ZYG11B: variants seen among roughly 807,000 people sequenced by gnomAD.
ZYG11B encodes zyg-11 family member B, cell cycle regulator.
In ZYG11B, 36 loss-of-function variants were observed where a neutral mutation model predicts 82.4. That is an observed-to-expected ratio of 0.44 (90% confidence interval 0.33 to 0.58). ZYG11B has a LOEUF of 0.58. ZYG11B is among the 20% of genes least tolerant of loss of function. The probability of loss-of-function intolerance (pLI) is 0.02; values close to 1 mark genes in which losing one functional copy is unlikely to be tolerated. For synonymous variants in ZYG11B, 303 were observed against 312.8 expected (o/e 0.97, Z 0.33); for missense variants, 552 against 895.6 (o/e 0.62, Z 4.90).
intron 2 of ZYG11B, among the ~76,000 whole-genome samples, chr1:52,762,978 G>C (rs116724309): frequency 0.019 from 2,157 of 114,418 alleles, 36 homozygotes; most frequent in Non-Finnish European, 0.026. Context: ...TGAGAGATTG[G>C]GGGGGGGGGG....
chr1:52,727,197 C>T (rs1230079200), intron 1 of ZYG11B, among the ~76,000 whole-genome samples: 2 of 152,020 alleles, frequency 1.3e-5, no homozygotes, highest in East Asian at 3.9e-4. Flanking sequence ...CGGATGTCCT[C>T]GCTCGGTTCG....
Position 52,821,840 on chromosome 1 carries a change from A to G in ZYG11B, c.*211A>G, listed in dbSNP as rs1191450942. The G allele has an allele frequency of 7.3e-6, 3 of 409,304 alleles. No homozygotes were observed. Among genetic ancestry groups the G allele is most frequent in the Admixed American group, 8.4e-5 (2 of 23,936 alleles). 25.4% of individuals were successfully genotyped at this position (409,304 alleles called of 1,614,324 possible). A position where few individuals can be genotyped will look rare whatever the true frequency, so the allele number is the denominator to read the frequency against. On this transcript the variant is annotated 3_prime_UTR_variant, in exon 14 of 14. Transcript: ENST00000294353. Reference sequence around the variant, plus strand: ...TGAGTCAAGAAGGGTCTCTTCCTTTATCATTGCCTTTTAGGAAATTTTCCA... The same window carrying G: ...TGAGTCAAGAAGGGTCTCTTCCTTTGTCATTGCCTTTTAGGAAATTTTCCA...
In ZYG11B at chr1:52,726,692, G is replaced by A; in HGVS notation, c.30+9G>A. The A allele has an allele frequency of 6.8e-7, 1 of 1,477,440 alleles. No individual in the cohort carries two copies. The highest frequency in any genetic ancestry group is 8.9e-7 in the Non-Finnish European group (1 of 1,120,390). The allele number at this position is 1,477,440 out of a possible 1,614,324, so 91.5% of individuals were successfully genotyped here. ...AGGCCGGCGCAGCCATGGTGAGGGAGCAAGGCCTGCCCTAGCCGCAGCCGC... is the reference window on the plus strand; with the variant it reads ...AGGCCGGCGCAGCCATGGTGAGGGAACAAGGCCTGCCCTAGCCGCAGCCGC... On this transcript the variant is annotated intron_variant, in intron 1 of 13. Transcript: ENST00000294353.
chr1:52,818,931 C>T (rs550805106), intron 13 of ZYG11B, among the ~76,000 whole-genome samples: 1 of 151,998 alleles, frequency 6.6e-6, no homozygotes, highest in Non-Finnish European at 1.5e-5. Flanking sequence ...GTAACTGGGA[C>T]TACAGGAACA....
chr1:52,803,103 TATATATATATATATACACAC>T lies in ZYG11B; in HGVS notation c.1695+976_1695+995del, dbSNP rs1645094552. On this transcript the variant is annotated intron_variant, in intron 10 of 13. Transcript: ENST00000294353. ...ATATATACACATATATATATACATATATATATATATATATACACACATATATATATACACACATATATATA... is the reference window on the plus strand; with the variant it reads ...ATATATACACATATATATATACATATATATATATATACACACATATATATA... Among the ~76,000 whole-genome samples, 6 of 79,698 alleles carry T rather than the reference TATATATATATATATACACAC, an allele frequency of 7.5e-5. 1 individual carries two copies. The highest frequency in any genetic ancestry group is 2.3e-3 in the East Asian group (2 of 864). 52.3% of individuals were successfully genotyped at this position (79,698 alleles called of 152,430 possible).
At chr1:52,746,879 T>G (rs1000752502) in intron 1 of ZYG11B, among the ~76,000 whole-genome samples, 15 of 150,124 alleles carry the variant, frequency 1.0e-4, no homozygotes, top group African/African-American at 3.2e-4. Flanking sequence ...TTTTGGAGTT[T>G]TTTTTTTTTT....
At chr1:52,772,712 C>T (rs1233789712) in intron 3 of ZYG11B, 3 of 683,974 alleles carry the variant, frequency 4.4e-6, no homozygotes, top group Non-Finnish European at 7.9e-6. Context: ...GAGTCTTGCT[C>T]TGTCGCCCAG....
Position 52,726,659 on chromosome 1 carries a change from C to T in ZYG11B, c.6C>T (p.Pro2=). The part of the protein sequence containing the change: M[P]EDQAGAAMEE... ...GCACCCAGGACGGAGGCTGCATGCC[C>T]GAGGACCAGGCCGGCGCAGCCATGG... Residue 2 remains proline, a synonymous_variant, in exon 1 of 14, where the codon CCC becomes CCT. Coordinates refer to ENST00000294353, the MANE Select transcript of ZYG11B (RefSeq NM_024646.3). 5 of 1,478,382 alleles carry T rather than the reference C, an allele frequency of 3.4e-6. No homozygotes were observed. Among genetic ancestry groups the T allele is most frequent in the Middle Eastern group, 4.7e-4 (2 of 4,240 alleles). The allele number at this position is 1,478,382 out of a possible 1,614,324, so 91.6% of individuals were successfully genotyped here.
At chr1:52,772,245 G>T in intron 3 of ZYG11B, 1 of 1,340,014 alleles carries the variant, frequency 7.5e-7, no homozygotes. Flanking sequence ...AACTGGGAGG[G>T]AGGACTCGCT....
chr1:52,742,365 T>C (rs140355160), intron 1 of ZYG11B, among the ~76,000 whole-genome samples: 198 of 152,036 alleles, frequency 1.3e-3, no homozygotes, highest in Non-Finnish European at 2.4e-3. Context: ...GGTGGGAGGA[T>C]CTCTTGAGCC....
intron 1 of ZYG11B, among the ~76,000 whole-genome samples, chr1:52,730,564 A>G (rs1475781784): frequency 4.6e-5 from 7 of 152,318 alleles, no homozygotes; most frequent in Admixed American, 2.0e-4. Context: ...TCTGGCCTCC[A>G]GGGATCTTCC....
Position 52,771,470 on chromosome 1 carries a change from T to A in ZYG11B, c.647T>A (p.Met216Lys), listed in dbSNP as rs1340149211. 6.2e-7 allele frequency: 1 copy of A among 1,613,496 alleles called. No homozygotes were observed. The highest frequency in any genetic ancestry group is 2.2e-5 in the East Asian group (1 of 44,892). Reference sequence around the variant, plus strand: ...AAAGACCGACTCAAGTCTCTAACCATGCACCACTTGAAATGTTTAAAAATG... The same window carrying A: ...AAAGACCGACTCAAGTCTCTAACCAAGCACCACTTGAAATGTTTAAAAATG... ...ACKDRLKSLT[M>K]HHLKCLKMTT... Residue 216 changes from methionine to lysine, a missense_variant, in exon 3 of 14, where the codon ATG becomes AAG. Coordinates refer to ENST00000294353, the MANE Select transcript of ZYG11B (RefSeq NM_024646.3). This position sits in a 1 kb window ranked among gnomAD's most constrained non-coding sequence, Gnocchi z 5.4.
In ZYG11B at chr1:52,726,645, G is replaced by C. The variant is rs1644286603; in HGVS notation, c.-9G>C. 6.8e-7 allele frequency: 1 copy of C among 1,467,322 alleles called. No individual in the cohort carries two copies. Among genetic ancestry groups the C allele is most frequent in the African/African-American group, 1.5e-5 (1 of 68,202 alleles). 90.9% of individuals were successfully genotyped at this position (1,467,322 alleles called of 1,614,324 possible). ...TCCGGCCCGCCGCCGCACCCAGGAC[G>C]GAGGCTGCATGCCCGAGGACCAGGC... is the stretch of plus-strand genomic sequence containing the variant. On this transcript the variant is annotated 5_prime_UTR_variant, in exon 1 of 14. Transcript: ENST00000294353.
chr1:52,787,924 T>C (rs1359648764), intron 5 of ZYG11B, among the ~76,000 whole-genome samples: 1 of 152,214 alleles, frequency 6.6e-6, no homozygotes, highest in African/African-American at 2.4e-5. Flanking sequence ...TTCTGCTGGC[T>C]GGATTGGTGT....
Position 52,771,855 on chromosome 1 carries a change from T to C in ZYG11B, c.951+81T>C. The C allele has an allele frequency of 6.9e-7, 1 of 1,447,076 alleles. No homozygotes were observed. Among genetic ancestry groups the C allele is most frequent in the South Asian group, 1.4e-5 (1 of 73,428 alleles). 89.6% of individuals were successfully genotyped at this position (1,447,076 alleles called of 1,614,324 possible). The stretch of plus-strand genomic sequence containing the variant: ...AGACTCTATTAAAGATGAATGTCTG[T>C]AATATATGGAACATGTTCATGAAAC... On this transcript the variant is annotated intron_variant, in intron 3 of 13. Transcript: ENST00000294353. This position sits in a 1 kb window ranked among gnomAD's most constrained non-coding sequence, Gnocchi z 5.4.
At position 52,807,081 on chromosome 1, in the gene ZYG11B, G is replaced by A. The variant is rs564371216; in HGVS notation, c.1695+4942G>A. ...ATGGGGTTTTGCCATGTTGGCCAGG[G>A]TGGTCTCAAACTCCTGACCTCATGA... On this transcript the variant is annotated intron_variant, in intron 10 of 13. Transcript: ENST00000294353. 1.3e-4 allele frequency among the ~76,000 whole-genome samples: 19 copies of A among 151,952 alleles called. 1 individual carries two copies. The South Asian group carries it at 3.3e-3, about 27-fold the overall frequency.
rs1434444553 is a variant in ZYG11B at position 52,825,282 on chromosome 1, A to G, written c.*3653A>G. ...ATTAACTAATTAATAAAATAAATCA[A>G]GTGGTATAAGGGATTAGTTTACCCT... On this transcript the variant is annotated 3_prime_UTR_variant, in exon 14 of 14. Transcript: ENST00000294353. The G allele has an allele frequency of 6.6e-6, 1 of 152,114 alleles. No homozygotes were observed. Among genetic ancestry groups the G allele is most frequent in the African/African-American group, 2.4e-5 (1 of 41,434 alleles). 9.4% of individuals were successfully genotyped at this position (152,114 alleles called of 1,614,324 possible).
At chr1:52,729,928 C>T (rs1357694014) in intron 1 of ZYG11B, among the ~76,000 whole-genome samples, 1 of 152,172 alleles carries the variant, frequency 6.6e-6, no homozygotes, top group East Asian at 1.9e-4. Context: ...TCACCTCAGC[C>T]TCCCAAGTAG....
intron 3 of ZYG11B, chr1:52,772,744 C>G: frequency 1.6e-6 from 1 of 625,026 alleles, no homozygotes; most frequent in South Asian, 1.8e-5. Context: ...GTGGCGCTAT[C>G]TTGGCTCACT....
Sources: gnomAD v4.1 joint callset for allele counts (sites outside exome capture counted in the v4.1 genomes callset) on GRCh38, gnomAD v4.1.1 for gene constraint, Gnocchi (gnomAD v3.1) non-coding constraint, MANE v1.5 for transcripts, NCBI Gene and HGNC (gene_info 2026-07-23, HGNC 2026-07-21) for gene names.